The following ARHGAP24 variants were observed in gnomAD, a reference collection of about 807,000 sequenced individuals.
ARHGAP24 encodes rho GTPase-activating protein 24.
Under a neutral mutation model 76.4 loss-of-function variants are expected in ARHGAP24, and 50 were observed. The observed-to-expected ratio is 0.65, with a 90% confidence interval of 0.52 to 0.83. The LOEUF is 0.83. Ranked by LOEUF, ARHGAP24 falls within the 40% of genes least tolerant of loss-of-function variation. The pLI is 0.00. For missense variants in ARHGAP24, 930 were observed against 914.2 expected, an observed-to-expected ratio of 1.02 and a Z score of -0.22; for synonymous variants, 345 against 323.3, an observed-to-expected ratio of 1.07 and a Z score of -0.72.
At position 85,599,159 on chromosome 4, in the gene ARHGAP24, AGAG is replaced by A. The variant is rs1719948598; in HGVS notation, c.180+28443_180+28445del. 3.3e-5 allele frequency among the ~76,000 whole-genome samples: 5 copies of A among 152,208 alleles called. No homozygotes were observed. The South Asian group carries it at 1.0e-3, about 32-fold the overall frequency. ...TTTGCTCTGCCTCCAGCAGTGAGGG[AGAG>A]GAGGGATTAGAAGGAGTTGATTAGC... is the stretch of plus-strand genomic sequence containing the variant. On this transcript the variant is annotated intron_variant, in intron 2 of 9. Coordinates refer to ENST00000395184, the MANE Select transcript of ARHGAP24 (RefSeq NM_001025616.3).
chr4:85,769,525 CAT>C (rs1727050832), intron 3 of ARHGAP24, among the ~76,000 whole-genome samples: 1 of 151,792 alleles, frequency 6.6e-6, no homozygotes, highest in Non-Finnish European at 1.5e-5. Flanking sequence ...TGTGTATATA[CAT>C]ATGTGTGTAT....
intron 4 of ARHGAP24, among the ~76,000 whole-genome samples, chr4:85,934,559 G>T (rs1345860356): frequency 6.6e-6 from 1 of 152,106 alleles, no homozygotes; most frequent in Admixed American, 6.5e-5. Flanking sequence ...CTGTCATCGA[G>T]GCTGGAGTGC....
chr4:85,485,612 CACTT>C (rs745329095), intron 1 of ARHGAP24, among the ~76,000 whole-genome samples: 15 of 151,586 alleles, frequency 9.9e-5, no homozygotes, highest in African/African-American at 3.4e-4. Context: ...TCAGGCAAAT[CACTT>C]AGTTTTTCTA....
intron 2 of ARHGAP24, among the ~76,000 whole-genome samples, chr4:85,646,412 T>C (rs951549733): frequency 1.3e-5 from 2 of 152,058 alleles, no homozygotes; most frequent in Non-Finnish European, 2.9e-5. Context: ...AAACAATTAA[T>C]TAAATGACTT....
At chr4:85,965,180 A>G (rs1200681630) in intron 5 of ARHGAP24, among the ~76,000 whole-genome samples, 2 of 152,188 alleles carry the variant, frequency 1.3e-5, no homozygotes, top group Admixed American at 1.3e-4. Context: ...AAGCCTCACA[A>G]TCATGGTGGA....
At chr4:85,592,933 C>G (rs775139437) in intron 2 of ARHGAP24, among the ~76,000 whole-genome samples, 2 of 152,064 alleles carry the variant, frequency 1.3e-5, no homozygotes, top group Admixed American at 6.6e-5. Context: ...GTGAACAGTG[C>G]AATAAACATG....
At chr4:85,920,007 T>C (rs10006104) in intron 3 of ARHGAP24, among the ~76,000 whole-genome samples, 46,528 of 152,060 alleles carry the variant, frequency 0.31, 7,363 homozygotes, top group South Asian at 0.5. Context: ...TATTAACGTA[T>C]GGTATGTTTA....
intron 3 of ARHGAP24, among the ~76,000 whole-genome samples, chr4:85,747,708 A>AAAACAAGC (rs1560613825): frequency 1.3e-5 from 2 of 150,634 alleles, no homozygotes. Flanking sequence ...GTCTAAAACA[A>AAAACAAGC]AAACAAACAA....
chr4:85,934,912 C>T (rs1438320971), intron 4 of ARHGAP24, among the ~76,000 whole-genome samples: 1 of 152,222 alleles, frequency 6.6e-6, no homozygotes, highest in Non-Finnish European at 1.5e-5. Flanking sequence ...CACACATGCA[C>T]ATATGCGTGC....
chr4:85,759,256 T>C (rs1427590105), intron 3 of ARHGAP24, among the ~76,000 whole-genome samples: 1 of 152,150 alleles, frequency 6.6e-6, no homozygotes, highest in African/African-American at 2.4e-5. Context: ...ATAATGACTG[T>C]AGAAGAAAGG....
intron 3 of ARHGAP24, among the ~76,000 whole-genome samples, chr4:85,744,493 G>A (rs1725950977): frequency 6.6e-6 from 1 of 152,178 alleles, no homozygotes; most frequent in Non-Finnish European, 1.5e-5. Context: ...TACTCTTGGA[G>A]CACAAATTCA....
chr4:85,674,229 A>C (rs537469647), intron 2 of ARHGAP24, among the ~76,000 whole-genome samples: 14 of 152,252 alleles, frequency 9.2e-5, no homozygotes, highest in African/African-American at 3.4e-4. Flanking sequence ...ACCAGTGATC[A>C]CACTTTAAGA....
chr4:85,483,551 G>T (rs1021689973), intron 1 of ARHGAP24, among the ~76,000 whole-genome samples: 1 of 152,130 alleles, frequency 6.6e-6, no homozygotes, highest in African/African-American at 2.4e-5. Context: ...GGCGGAGGTT[G>T]CAGTGAGCCG....
At chr4:85,757,668 A>G (rs1393187666) in intron 3 of ARHGAP24, among the ~76,000 whole-genome samples, 4 of 152,200 alleles carry the variant, frequency 2.6e-5, no homozygotes, top group Non-Finnish European at 4.4e-5. Flanking sequence ...ATAGTGCCGC[A>G]ATAAACATAC....
At chr4:85,955,549 C>T (rs902141482) in intron 5 of ARHGAP24, among the ~76,000 whole-genome samples, 1 of 152,114 alleles carries the variant, frequency 6.6e-6, no homozygotes, top group South Asian at 2.1e-4. Flanking sequence ...CTTGTCGTTC[C>T]TTGGCTTGTA....
intron 2 of ARHGAP24, among the ~76,000 whole-genome samples, chr4:85,670,749 T>G (rs1022627743): frequency 7.0e-6 from 1 of 143,704 alleles, no homozygotes; most frequent in Non-Finnish European, 1.5e-5. Context: ...TCCCTGTACT[T>G]TAGATCATTT....
chr4:85,705,294 A>G (rs959262006), intron 2 of ARHGAP24, among the ~76,000 whole-genome samples: 2 of 152,308 alleles, frequency 1.3e-5, no homozygotes, highest in Non-Finnish European at 2.9e-5. Flanking sequence ...TATGACAGAT[A>G]CTATATTTTA....
chr4:85,958,208 T>G (rs1295142408), intron 5 of ARHGAP24, among the ~76,000 whole-genome samples: 1 of 152,160 alleles, frequency 6.6e-6, no homozygotes, highest in Non-Finnish European at 1.5e-5. Flanking sequence ...ACTAATTTCC[T>G]CATATAAAAT....
intron 2 of ARHGAP24, among the ~76,000 whole-genome samples, chr4:85,628,369 C>T (rs1721042595): frequency 1.3e-5 from 2 of 152,156 alleles, no homozygotes; most frequent in South Asian, 4.1e-4. Context: ...TTTCAGTCTT[C>T]TTAAATTTGT....
Sources: gnomAD v4.1 joint callset for allele counts (sites outside exome capture counted in the v4.1 genomes callset) on GRCh38, gnomAD v4.1.1 for gene constraint, MANE v1.5 for transcripts, NCBI Gene and HGNC (gene_info 2026-07-23, HGNC 2026-07-21) for gene names.